The following KCNIP1 variants were observed in gnomAD, a reference collection of about 807,000 sequenced individuals.
The protein encoded by KCNIP1 is potassium voltage-gated channel interacting protein 1, also known as A-type potassium channel modulatory protein KCNIP1.
In KCNIP1, 18 loss-of-function variants were observed where a neutral mutation model predicts 33.0. The ratio of observed to expected loss-of-function variants is 0.55; its 90% CI spans 0.38 to 0.81. The LOEUF (loss-of-function observed/expected upper bound fraction) is 0.81, where lower values mean the gene tolerates loss of function less well. KCNIP1 is among the 30% of genes least tolerant of loss of function. The pLI, the probability that KCNIP1 is intolerant of heterozygous loss-of-function variation, is 0.00. For missense variants in KCNIP1, 238 were observed against 271.6 expected, an observed-to-expected ratio of 0.88 and a Z score of 0.87; for synonymous variants, 93 against 98.3, an observed-to-expected ratio of 0.95 and a Z score of 0.32.
intron 1 of KCNIP1, among the ~76,000 whole-genome samples, chr5:170,430,227 G>A (rs1470781216): frequency 6.6e-6 from 1 of 152,216 alleles, no homozygotes. Context: ...CCCAATAGGG[G>A]CTTTTCATGG....
At chr5:170,657,306 G>A (rs1300002321) in intron 1 of KCNIP1, among the ~76,000 whole-genome samples, 2 of 152,126 alleles carry the variant, frequency 1.3e-5, no homozygotes, top group Non-Finnish European at 2.9e-5. Context: ...AACTCAGTAA[G>A]TCTTTTGAAT....
chr5:170,571,740 A>G (rs887221544), intron 1 of KCNIP1, among the ~76,000 whole-genome samples: 1 of 152,192 alleles, frequency 6.6e-6, no homozygotes, highest in African/African-American at 2.4e-5. Context: ...AGTTATGTCA[A>G]TAATGGGACC....
intron 1 of KCNIP1, among the ~76,000 whole-genome samples, chr5:170,614,799 G>A (rs1332508811): frequency 6.6e-6 from 1 of 152,190 alleles, no homozygotes; most frequent in Non-Finnish European, 1.5e-5. Context: ...CTGCATTCCT[G>A]CACATCCACA....
chr5:170,488,966 G>A (rs10039828), intron 1 of KCNIP1, among the ~76,000 whole-genome samples: 33,292 of 152,106 alleles, frequency 0.22, 4,276 homozygotes, highest in East Asian at 0.4. Flanking sequence ...GGTGTGGGGT[G>A]TAATTACCAA....
intron 1 of KCNIP1, among the ~76,000 whole-genome samples, chr5:170,548,334 A>T (rs1756490816): frequency 6.6e-6 from 1 of 152,178 alleles, no homozygotes; most frequent in Non-Finnish European, 1.5e-5. Context: ...TTTTTCCTGC[A>T]AGCCTTATCT....
At chr5:170,637,363 C>T (rs1760327685) in intron 1 of KCNIP1, among the ~76,000 whole-genome samples, 2 of 152,132 alleles carry the variant, frequency 1.3e-5, no homozygotes, top group Non-Finnish European at 2.9e-5. Context: ...CTGCTTCTGC[C>T]CTGGCCCCCA....
intron 1 of KCNIP1, among the ~76,000 whole-genome samples, chr5:170,568,787 C>T (rs1757294174): frequency 2.0e-5 from 3 of 151,880 alleles, no homozygotes; most frequent in Non-Finnish European, 4.4e-5. Context: ...CACACCACTG[C>T]ACTCCCGCCT....
At chr5:170,460,596 A>G (rs1016661341) in intron 1 of KCNIP1, among the ~76,000 whole-genome samples, 1 of 152,226 alleles carries the variant, frequency 6.6e-6, no homozygotes, top group Non-Finnish European at 1.5e-5. Context: ...AAATCACAGG[A>G]TCATCTCAAT....
At chr5:170,431,092 C>G (rs1755729078) in intron 1 of KCNIP1, among the ~76,000 whole-genome samples, 1 of 152,244 alleles carries the variant, frequency 6.6e-6, no homozygotes, top group Non-Finnish European at 1.5e-5. Flanking sequence ...GCCCTCGCCT[C>G]TGAGGCAGAG....
chr5:170,376,874 A>G (rs1382764472), intron 1 of KCNIP1: 1 of 152,224 alleles, frequency 6.6e-6, no homozygotes, highest in Non-Finnish European at 1.5e-5. Flanking sequence ...TTAAAATGAA[A>G]GTTAAGAAAA....
intron 1 of KCNIP1, among the ~76,000 whole-genome samples, chr5:170,547,569 A>G (rs1270406201): frequency 1.3e-5 from 2 of 151,886 alleles, no homozygotes; most frequent in Non-Finnish European, 2.9e-5. Context: ...GTTCCCATCT[A>G]TGTGTCCTTG....
chr5:170,420,710 C>T (rs201601730), intron 1 of KCNIP1: 2 of 152,146 alleles, frequency 1.3e-5, no homozygotes, highest in South Asian at 2.1e-4. Context: ...GGTTGGCACT[C>T]CTAACTCCCA....
intron 1 of KCNIP1, among the ~76,000 whole-genome samples, chr5:170,666,764 G>A (rs996721959): frequency 6.6e-6 from 1 of 152,142 alleles, no homozygotes; most frequent in Non-Finnish European, 1.5e-5. Context: ...TCTGTGGTTG[G>A]AGCAGCTTCC....
intron 1 of KCNIP1, among the ~76,000 whole-genome samples, chr5:170,491,414 G>T (rs1561649413): frequency 6.6e-6 from 1 of 152,138 alleles, no homozygotes; most frequent in Non-Finnish European, 1.5e-5. Context: ...GTGATGTACT[G>T]AAGGCCTCAG....
At chr5:170,545,043 T>G (rs1471730029) in intron 1 of KCNIP1, among the ~76,000 whole-genome samples, 1 of 152,218 alleles carries the variant, frequency 6.6e-6, no homozygotes, top group Non-Finnish European at 1.5e-5. Flanking sequence ...TTATTTGGTA[T>G]GTCCTTTAGT....
intron 1 of KCNIP1, among the ~76,000 whole-genome samples, chr5:170,363,718 T>C (rs771720068): frequency 6.6e-6 from 1 of 152,236 alleles, no homozygotes; most frequent in Non-Finnish European, 1.5e-5. Context: ...ATATATAACA[T>C]TAAATTTACT....
chr5:170,504,489 A>T lies in KCNIP1; in HGVS notation c.-84A>T. Reference sequence around the variant, plus strand: ...GGCGCTTTTCTCTCCTCCAATTCAGAGTAGACAAACCACGGGGATTTCTTT... The same window carrying T: ...GGCGCTTTTCTCTCCTCCAATTCAGTGTAGACAAACCACGGGGATTTCTTT... On this transcript the variant is annotated 5_prime_UTR_variant, in exon 1 of 8. Coordinates refer to ENST00000328939, the MANE Select transcript of KCNIP1 (RefSeq NM_014592.4). This position sits in a 1 kb window ranked among gnomAD's most constrained non-coding sequence, Gnocchi z 6.0. 6.2e-7 allele frequency: 1 copy of T among 1,600,466 alleles called. No individual in the cohort carries two copies. Among genetic ancestry groups the T allele is most frequent in the Non-Finnish European group, 8.5e-7 (1 of 1,178,220 alleles).
intron 1 of KCNIP1, among the ~76,000 whole-genome samples, chr5:170,432,153 A>G (rs560441333): frequency 3.2e-4 from 49 of 152,126 alleles, no homozygotes; most frequent in Non-Finnish European, 4.4e-4. Context: ...CTTGTGTAAA[A>G]ACAATTCGGT....
chr5:170,382,678 G>A (rs1435397737), intron 1 of KCNIP1: 7 of 131,684 alleles, frequency 5.3e-5, no homozygotes, highest in African/African-American at 2.0e-4. Context: ...TTTTTTTTGA[G>A]ATGGAGTTTC....
Sources: gnomAD v4.1 joint callset for allele counts (sites outside exome capture counted in the v4.1 genomes callset) on GRCh38, gnomAD v4.1.1 for gene constraint, Gnocchi (gnomAD v3.1) non-coding constraint, MANE v1.5 for transcripts, NCBI Gene and HGNC (gene_info 2026-07-23, HGNC 2026-07-21) for gene names.